The following ARHGAP24 variants were observed in gnomAD, a reference collection of about 807,000 sequenced individuals.
ARHGAP24 encodes the protein rho GTPase-activating protein 24.
ARHGAP24 carries 50 observed loss-of-function variants against 76.4 expected under a neutral mutation model. The observed-to-expected ratio is 0.65, with a 90% CI of 0.52 to 0.83. The LOEUF (loss-of-function observed/expected upper bound fraction) is 0.83. Among genes scored for constraint, ARHGAP24 ranks in the 40% least tolerant of loss-of-function variants. The pLI, the probability that ARHGAP24 is intolerant of heterozygous loss-of-function variation, is 0.00. For missense variants in ARHGAP24, 930 were observed against 914.2 expected (o/e 1.02, Z -0.22); for synonymous variants, 345 against 323.3 (o/e 1.07, Z -0.72).
Position 85,677,465 on chromosome 4 carries a change from G to A in ARHGAP24, c.181-44420G>A, listed in dbSNP as rs555787956. Among the ~76,000 whole-genome samples the A allele has an allele frequency of 7.9e-5, 12 of 152,294 alleles. No individual in the cohort carries two copies. The South Asian group carries it at 1.9e-3, about 24-fold the overall frequency. ...CACATTCAGAATATATTTCCAGATAGCCTTTGGACCTGGCAGACCACCAAG... is the reference window on the plus strand; with the variant it reads ...CACATTCAGAATATATTTCCAGATAACCTTTGGACCTGGCAGACCACCAAG... On this transcript the variant is annotated intron_variant, in intron 2 of 9. Coordinates refer to ENST00000395184, the MANE Select transcript of ARHGAP24 (RefSeq NM_001025616.3).
At chr4:85,683,119 G>GGGGGGGGGGGGC (rs1723282244) in intron 2 of ARHGAP24, among the ~76,000 whole-genome samples, 1 of 80,004 alleles carries the variant, frequency 1.2e-5, no homozygotes, top group African/African-American at 5.1e-5. Flanking sequence ...TGGGGGGGTG[G>GGGGGGGGGGGGC]GGGGGGGGTG....
intron 9 of ARHGAP24, chr4:86,000,181 G>T (rs1225197500): frequency 1.8e-5 from 5 of 285,124 alleles, no homozygotes; most frequent in Non-Finnish European, 3.4e-5. Flanking sequence ...CGTCTGCCCG[G>T]CATGTGTTAC....
chr4:85,493,158 A>G (rs1330271813), intron 1 of ARHGAP24, among the ~76,000 whole-genome samples: 1 of 152,222 alleles, frequency 6.6e-6, no homozygotes, highest in Non-Finnish European at 1.5e-5. Context: ...TCTAAATACT[A>G]CTGATGTTAA....
chr4:85,999,901 T>G (rs2148875957), intron 9 of ARHGAP24: 1 of 152,926 alleles, frequency 6.5e-6, no homozygotes, highest in African/African-American at 2.4e-5. Context: ...ATGCAGTGCT[T>G]ATTTAACACA....
chr4:85,506,225 G>C (rs941965339), intron 1 of ARHGAP24, among the ~76,000 whole-genome samples: 1 of 152,184 alleles, frequency 6.6e-6, no homozygotes, highest in Non-Finnish European at 1.5e-5. Context: ...GAGGCAGCGT[G>C]TCTGTTCTCA....
chr4:85,628,222 C>A (rs1037234752), intron 2 of ARHGAP24, among the ~76,000 whole-genome samples: 1 of 152,088 alleles, frequency 6.6e-6, no homozygotes, highest in Non-Finnish European at 1.5e-5. Flanking sequence ...TTGGCTCCTC[C>A]CCCTTAATTT....
intron 2 of ARHGAP24, among the ~76,000 whole-genome samples, chr4:85,666,518 C>G (rs1044320674): frequency 3.3e-5 from 5 of 152,216 alleles, no homozygotes; most frequent in African/African-American, 1.2e-4. Flanking sequence ...CTCCGTCCAG[C>G]TTTATTCCAT....
intron 2 of ARHGAP24, chr4:85,604,311 T>C (rs927384927): frequency 6.6e-6 from 1 of 152,240 alleles, no homozygotes; most frequent in Admixed American, 6.5e-5. Flanking sequence ...ACTGTGAGTA[T>C]ATCTTTAACA....
chr4:85,655,792 T>TATATAG (rs1553920518), intron 2 of ARHGAP24, among the ~76,000 whole-genome samples: 36 of 37,692 alleles, frequency 9.6e-4, no homozygotes, highest in Admixed American at 2.3e-3. Flanking sequence ...TATATATATA[T>TATATAG]AGAGAGAGAG....
intron 5 of ARHGAP24, among the ~76,000 whole-genome samples, chr4:85,961,786 G>A (rs532288121): frequency 2.6e-5 from 4 of 151,794 alleles, no homozygotes; most frequent in South Asian, 2.1e-4. Flanking sequence ...ATATGCACAC[G>A]TGCATACACA....
chr4:85,526,139 G>T (rs1229534491), intron 1 of ARHGAP24, among the ~76,000 whole-genome samples: 2 of 152,040 alleles, frequency 1.3e-5, no homozygotes, highest in African/African-American at 4.8e-5. Context: ...GGCCGGGTAT[G>T]GTGGCTCACA....
chr4:85,712,659 C>T (rs1039121143), intron 2 of ARHGAP24, among the ~76,000 whole-genome samples: 3 of 152,132 alleles, frequency 2.0e-5, no homozygotes, highest in African/African-American at 7.2e-5. Flanking sequence ...TCTGCCTCCA[C>T]GTTCATGTAG....
intron 2 of ARHGAP24, among the ~76,000 whole-genome samples, chr4:85,673,900 T>C (rs992414543): frequency 3.3e-5 from 5 of 151,976 alleles, no homozygotes; most frequent in African/African-American, 1.2e-4. Flanking sequence ...TACAGAGGTT[T>C]ATAAAATCTC....
At chr4:85,604,033 A>T (rs1262620979) in intron 2 of ARHGAP24, 1 of 152,226 alleles carries the variant, frequency 6.6e-6, no homozygotes, top group Non-Finnish European at 1.5e-5. Flanking sequence ...GTCAGTAATT[A>T]TCATGTCCTT....
rs575707970 is a variant in ARHGAP24 at position 85,849,659 on chromosome 4, G to T, written c.269-73989G>T. ...TTCATTGAGAGTTTTTAGCATGAAG[G>T]GCTGTTGCATTTTATTGAAGGCCTT... On this transcript the variant is annotated intron_variant, in intron 3 of 9. Coordinates refer to ENST00000395184, the MANE Select transcript of ARHGAP24 (RefSeq NM_001025616.3). Among the ~76,000 whole-genome samples the T allele has an allele frequency of 3.7e-4, 56 of 152,248 alleles. No individual in the cohort carries two copies. In the South Asian group the frequency reaches 0.011, roughly 31 times the overall value.
chr4:85,520,178 G>A (rs1724682055), intron 1 of ARHGAP24, among the ~76,000 whole-genome samples: 1 of 152,140 alleles, frequency 6.6e-6, no homozygotes, highest in Non-Finnish European at 1.5e-5. Context: ...CATATATGGT[G>A]TGGGAAAGCA....
intron 2 of ARHGAP24, among the ~76,000 whole-genome samples, chr4:85,625,045 T>G (rs1299446897): frequency 6.6e-6 from 1 of 152,236 alleles, no homozygotes; most frequent in Non-Finnish European, 1.5e-5. Context: ...ATTAATTTTT[T>G]GAAGGGTTTT....
intron 3 of ARHGAP24, among the ~76,000 whole-genome samples, chr4:85,889,419 C>T (rs11722534): frequency 0.81 from 122,176 of 151,646 alleles, 49,934 homozygotes; most frequent in Non-Finnish European, 0.89. Flanking sequence ...GATTAAATAA[C>T]ATATTTAGGG....
At chr4:85,699,897 A>T (rs1274794048) in intron 2 of ARHGAP24, among the ~76,000 whole-genome samples, 1 of 152,190 alleles carries the variant, frequency 6.6e-6, no homozygotes, top group Non-Finnish European at 1.5e-5. Context: ...GGCATTTAAT[A>T]TATATTGTTG....
Sources: gnomAD v4.1 joint callset for allele counts (sites outside exome capture counted in the v4.1 genomes callset) on GRCh38, gnomAD v4.1.1 for gene constraint, MANE v1.5 for transcripts, NCBI Gene and HGNC (gene_info 2026-07-23, HGNC 2026-07-21) for gene names.